STPG2: variants seen among roughly 807,000 people sequenced by gnomAD.
The protein encoded by STPG2 is sperm-tail PG-rich repeat-containing protein 2.
STPG2 carries 56 observed loss-of-function variants against 54.2 expected under a neutral mutation model. The ratio of observed to expected loss-of-function variants is 1.03; its 90% CI spans 0.83 to 1.29. The LOEUF (loss-of-function observed/expected upper bound fraction) is 1.29, where lower values mean the gene tolerates loss of function less well. Ranked by LOEUF, STPG2 falls within the 50% of genes most tolerant of loss-of-function variation. The pLI, the probability that STPG2 is intolerant of heterozygous loss-of-function variation, is 0.00. For synonymous variants in STPG2, 200 were observed against 181.8 expected (o/e 1.10, Z -0.81); for missense variants, 596 against 544.9 (o/e 1.09, Z -0.93).
At chr4:97,895,436 C>A (rs114855957) in intron 8 of STPG2, among the ~76,000 whole-genome samples, 84 of 151,940 alleles carry the variant, frequency 5.5e-4, no homozygotes, top group African/African-American at 2.0e-3. Flanking sequence ...GTATACACTC[C>A]ATTAATTAGC....
At chr4:97,678,562 T>C (rs1722926531) in intron 10 of STPG2, among the ~76,000 whole-genome samples, 1 of 152,144 alleles carries the variant, frequency 6.6e-6, no homozygotes. Flanking sequence ...ATCACAGGAA[T>C]AGACACTATT....
intron 5 of STPG2, among the ~76,000 whole-genome samples, chr4:98,008,351 C>T (rs1425496892): frequency 6.6e-6 from 1 of 151,650 alleles, no homozygotes; most frequent in Non-Finnish European, 1.5e-5. Flanking sequence ...GTCAGAATAA[C>T]CTTCACAAAT....
chr4:98,032,490 A>G (rs1236102430), intron 5 of STPG2, among the ~76,000 whole-genome samples: 4 of 152,182 alleles, frequency 2.6e-5, no homozygotes, highest in Admixed American at 2.6e-4. Flanking sequence ...ACACAATAAT[A>G]GTGGGAAACT....
At chr4:97,701,759 G>A (rs942334562) in intron 10 of STPG2, among the ~76,000 whole-genome samples, 2 of 152,158 alleles carry the variant, frequency 1.3e-5, no homozygotes, top group African/African-American at 2.4e-5. Context: ...TGATTAATTA[G>A]CCAATCCCAT....
intron 10 of STPG2, among the ~76,000 whole-genome samples, chr4:97,709,748 TA>T (rs1051142117): frequency 1.3e-5 from 2 of 151,836 alleles, no homozygotes; most frequent in East Asian, 1.9e-4. Context: ...ATCTAAACCT[TA>T]AAAAAACAGT....
intron 9 of STPG2, among the ~76,000 whole-genome samples, chr4:97,808,703 A>C (rs1727647137): frequency 6.7e-6 from 1 of 150,308 alleles, no homozygotes; most frequent in South Asian, 2.1e-4. Flanking sequence ...AAACCAAAAA[A>C]AAAACCCACA....
intron 10 of STPG2, among the ~76,000 whole-genome samples, chr4:97,578,181 T>G (rs1306126311): frequency 1.3e-5 from 2 of 150,172 alleles, no homozygotes; most frequent in East Asian, 3.9e-4. Context: ...CAAGGCTCAC[T>G]GCAACATCCA....
chr4:98,134,293 T>C (rs1460129635), intron 2 of STPG2, 54 bp downstream of exon 2: 2 of 1,018,904 alleles, frequency 2.0e-6, no homozygotes, highest in Non-Finnish European at 1.4e-6. Flanking sequence ...ATTTGGTCTA[T>C]TCAGGGAAGA....
At chr4:97,969,717 A>G (rs938846140) in intron 7 of STPG2, among the ~76,000 whole-genome samples, 2 of 152,162 alleles carry the variant, frequency 1.3e-5, no homozygotes, top group Admixed American at 1.3e-4. Context: ...ACTGAATGGG[A>G]AAAAACTGGA....
chr4:97,895,991 T>C (rs1002851423), intron 8 of STPG2, among the ~76,000 whole-genome samples: 11 of 151,824 alleles, frequency 7.2e-5, no homozygotes, highest in Non-Finnish European at 1.3e-4. Context: ...TAAAGAGGCT[T>C]CAGGTGTGAC....
intron 10 of STPG2, among the ~76,000 whole-genome samples, chr4:97,600,972 G>A (rs1578416463): frequency 6.6e-6 from 1 of 152,168 alleles, no homozygotes; most frequent in East Asian, 1.9e-4. Context: ...CTAGCAAAGT[G>A]AGGATGACTA....
chr4:97,653,078 T>G (rs926701939), intron 10 of STPG2, among the ~76,000 whole-genome samples: 1 of 149,922 alleles, frequency 6.7e-6, no homozygotes, highest in African/African-American at 2.5e-5. Flanking sequence ...ATTAGGTAGA[T>G]AGATGATTGA....
intron 10 of STPG2, among the ~76,000 whole-genome samples, chr4:97,617,968 G>A (rs970215146): frequency 2.0e-5 from 3 of 152,062 alleles, no homozygotes; most frequent in African/African-American, 7.2e-5. Context: ...AATCTTTATT[G>A]TAAAAGTCTA....
chr4:97,732,074 ACAGCCCTGCTCTCTCT>A (rs373693795), intron 9 of STPG2, among the ~76,000 whole-genome samples: 148 of 152,266 alleles, frequency 9.7e-4, no homozygotes, highest in African/African-American at 3.3e-3. Flanking sequence ...CATAGGAAAG[ACAGCCCTGCTCTCTCT>A]CAGCCCTGCA....
chr4:97,938,880 C>G (rs1732864308), intron 8 of STPG2, among the ~76,000 whole-genome samples: 1 of 151,860 alleles, frequency 6.6e-6, no homozygotes, highest in Non-Finnish European at 1.5e-5. Context: ...AGCCTCTGAC[C>G]ACCACTGCTT....
chr4:97,523,511 C>A (rs1731222727), intron 4 of STPG2, among the ~76,000 whole-genome samples: 1 of 151,832 alleles, frequency 6.6e-6, no homozygotes, highest in African/African-American at 2.4e-5. Flanking sequence ...AAATTAGTAG[C>A]AGTGAAGGGT....
intron 7 of STPG2, among the ~76,000 whole-genome samples, chr4:97,970,723 G>C (rs1034177896): frequency 2.0e-5 from 3 of 152,130 alleles, no homozygotes; most frequent in African/African-American, 7.2e-5. Context: ...GAAAACCTAG[G>C]CAATACCATT....
At chr4:97,981,348 A>C in intron 5 of STPG2, 30 bp from the exon 6 acceptor site, 1 of 1,610,550 alleles carries the variant, frequency 6.2e-7, no homozygotes, top group Non-Finnish European at 8.5e-7. Flanking sequence ...TATGCCAATA[A>C]GAAAGTATAG....
chr4:97,729,967 T>C (rs1724748164), intron 9 of STPG2, among the ~76,000 whole-genome samples: 1 of 152,220 alleles, frequency 6.6e-6, no homozygotes, highest in Admixed American at 6.5e-5. Flanking sequence ...ATTTATTAGT[T>C]CTCAGAGTTC....
Sources: allele counts gnomAD v4.1 joint callset (sites outside exome capture counted in the v4.1 genomes callset), GRCh38; gene constraint gnomAD v4.1.1; transcripts MANE v1.5; gene names NCBI Gene and HGNC (gene_info 2026-07-23, HGNC 2026-07-21).